Variants in MAPK6 observed in about 807,000 individuals in gnomAD.
The protein encoded by MAPK6 is ERK-3.
A neutral mutation model predicts 59.3 loss-of-function variants in MAPK6; 19 were observed. The ratio of observed to expected loss-of-function variants is 0.32; its 90% confidence interval spans 0.22 to 0.47. The LOEUF (loss-of-function observed/expected upper bound fraction) is 0.47. MAPK6 is among the 20% of genes least tolerant of loss of function. The pLI is 1.00. For missense variants in MAPK6, 724 were observed against 847.9 expected (o/e 0.85, Z 1.81); for synonymous variants, 316 against 290.3 (o/e 1.09, Z -0.90).
At chr15:51,977,818 C>T (rs62015192) in intron 1 of MAPK6, among the ~76,000 whole-genome samples, 1 of 151,910 alleles carries the variant, frequency 6.6e-6, no homozygotes, top group East Asian at 1.9e-4. Flanking sequence ...ATTATAGGAA[C>T]AAGACACCAT....
intron 1 of MAPK6, among the ~76,000 whole-genome samples, chr15:52,044,814 G>A (rs1162550789): frequency 2.0e-5 from 3 of 151,116 alleles, no homozygotes; most frequent in Non-Finnish European, 2.9e-5. Flanking sequence ...AATCTGCCAT[G>A]TTTGTTATTT....
upstream of MAPK6, among the ~76,000 whole-genome samples, chr15:52,016,070 G>GCGCGCAAACACACACA: frequency 5.4e-5 from 3 of 55,392 alleles, no homozygotes; most frequent in African/African-American, 7.0e-5. Context: ...GCGCGCGCGC[G>GCGCGCAAACACACACA]CACACACACA....
At chr15:52,041,831 G>A (rs2031428807) in intron 1 of MAPK6, among the ~76,000 whole-genome samples, 1 of 152,180 alleles carries the variant, frequency 6.6e-6, no homozygotes, top group Non-Finnish European at 1.5e-5. Context: ...CCCCCAGTGT[G>A]CAGATTCTCA....
chr15:51,992,459 A>G lies in MAPK6; in HGVS notation c.-770+9144A>G, dbSNP rs529893578. Among the ~76,000 whole-genome samples, 128 of 151,836 alleles carry G rather than the reference A, an allele frequency of 8.4e-4. 2 individuals carry two copies. Among genetic ancestry groups the G allele is most frequent in the African/African-American group, 3.0e-3 (124 of 41,412 alleles). ...TGGAACTACAGGTGCACGCCACCAC[A>G]TCTGGCTAATTTTTTGCATTTTTTT... On this transcript the variant is annotated intron_variant, in intron 2 of 7. Transcript: ENST00000691380.
chr15:52,058,402 TAA>T lies in MAPK6; in HGVS notation c.701-229_701-228del, dbSNP rs373202468. On this transcript the variant is annotated intron_variant, in intron 3 of 5. Transcript: ENST00000261845. ...GATAACCTTAATATGAGACCAAACT[TAA>T]AGAGTCAGTTCCCTATGGAAACAAA... Among the ~76,000 whole-genome samples the T allele has an allele frequency of 2.0e-3, 304 of 152,278 alleles. 1 individual carries two copies. The highest frequency in any genetic ancestry group is 7.0e-3 in the African/African-American group (291 of 41,556).
chr15:52,062,800 G>C (rs1387018864), intron 5 of MAPK6, among the ~76,000 whole-genome samples: 1 of 152,126 alleles, frequency 6.6e-6, no homozygotes, highest in Non-Finnish European at 1.5e-5. Flanking sequence ...GGGAAGTTTA[G>C]ATATAATTCT....
At chr15:52,061,562 G>T in intron 5 of MAPK6, 62 bp downstream of exon 5, 1 of 1,251,396 alleles carries the variant, frequency 8.0e-7, no homozygotes, top group East Asian at 2.4e-5. Flanking sequence ...CATATGTAGT[G>T]AGTTTTTTTA....
At chr15:52,047,652 T>C (rs1249848011) in intron 2 of MAPK6, among the ~76,000 whole-genome samples, 1 of 151,638 alleles carries the variant, frequency 6.6e-6, no homozygotes, top group Non-Finnish European at 1.5e-5. Flanking sequence ...AGCCTTTTTT[T>C]TTTTTTTTTT....
At chr15:52,034,184 C>T (rs1020522770) in intron 1 of MAPK6, among the ~76,000 whole-genome samples, 30 of 152,044 alleles carry the variant, frequency 2.0e-4, no homozygotes, top group Non-Finnish European at 5.9e-5. Flanking sequence ...AGAGTTTCAC[C>T]ATGTTCGCCA....
At chr15:52,063,687 G>C (rs903843085) in intron 5 of MAPK6, among the ~76,000 whole-genome samples, 1 of 152,106 alleles carries the variant, frequency 6.6e-6, no homozygotes, top group African/African-American at 2.4e-5. Flanking sequence ...AAAACAAATT[G>C]GAAATGAAGT....
chr15:52,027,138 G>T (rs1287321203), intron 1 of MAPK6, among the ~76,000 whole-genome samples: 1 of 151,370 alleles, frequency 6.6e-6, no homozygotes, highest in Non-Finnish European at 1.5e-5. Context: ...CGGATCACAA[G>T]GTCAGGAGTT....
At chr15:52,063,653 T>C (rs28592862) in intron 5 of MAPK6, among the ~76,000 whole-genome samples, 2 of 152,188 alleles carry the variant, frequency 1.3e-5, no homozygotes, top group African/African-American at 4.8e-5. Flanking sequence ...TGAAGTCTTT[T>C]GTTTGCATGG....
chr15:51,999,233 A>G (rs2057235381), intron 2 of MAPK6, among the ~76,000 whole-genome samples: 1 of 144,036 alleles, frequency 6.9e-6, no homozygotes, highest in Admixed American at 7.1e-5. Flanking sequence ...CCTGACCTCA[A>G]GTGGTCCACC....
At chr15:52,003,694 C>CT (rs1273835441) in intron 2 of MAPK6, among the ~76,000 whole-genome samples, 1 of 152,168 alleles carries the variant, frequency 6.6e-6, no homozygotes, top group Non-Finnish European at 1.5e-5. Context: ...AAATAAAATG[C>CT]TTTTAAAACA....
intron 1 of MAPK6, among the ~76,000 whole-genome samples, chr15:51,978,642 G>A (rs2057164053): frequency 6.6e-6 from 1 of 150,996 alleles, no homozygotes; most frequent in South Asian, 2.1e-4. Flanking sequence ...GATTTTTTGG[G>A]GGGATTACCT....
intron 1 of MAPK6, among the ~76,000 whole-genome samples, chr15:52,040,506 T>C (rs1266284198): frequency 6.6e-6 from 1 of 152,154 alleles, no homozygotes; most frequent in African/African-American, 2.4e-5. Flanking sequence ...CCTTTATGTT[T>C]ATGGCCCTTA....
At chr15:52,029,111 C>G (rs1392806572) in intron 1 of MAPK6, among the ~76,000 whole-genome samples, 1 of 152,200 alleles carries the variant, frequency 6.6e-6, no homozygotes, top group African/African-American at 2.4e-5. Context: ...AATATTGGCT[C>G]ACTGCAACCT....
At chr15:51,983,254 A>T (rs1294718765) in exon 2 of MAPK6, among the ~76,000 whole-genome samples, 1 of 152,130 alleles carries the variant, frequency 6.6e-6, no homozygotes, top group Non-Finnish European at 1.5e-5. Context: ...TGGGAGGCCA[A>T]GGTGGGCAGA....
chr15:52,021,796 CATA>C (rs2030538872), intron 1 of MAPK6, among the ~76,000 whole-genome samples: 2 of 152,056 alleles, frequency 1.3e-5, no homozygotes, highest in African/African-American at 2.4e-5. Context: ...ATTATTAAAA[CATA>C]ATTATATATT....
Sources: allele counts gnomAD v4.1 joint callset (sites outside exome capture counted in the v4.1 genomes callset), GRCh38; gene constraint gnomAD v4.1.1; transcripts MANE v1.5; gene names NCBI Gene and HGNC (gene_info 2026-07-23, HGNC 2026-07-21).